The following GARNL3 variants were observed in gnomAD, a reference collection of about 807,000 sequenced individuals.
GARNL3 encodes GTPase activating Rap/RanGAP domain like 3.
In GARNL3, 63 loss-of-function variants were observed where a neutral mutation model predicts 125.0. The ratio of observed to expected loss-of-function variants is 0.50; its 90% CI spans 0.41 to 0.62. The LOEUF (loss-of-function observed/expected upper bound fraction) is 0.62. Ranked by LOEUF, GARNL3 falls within the 20% of genes least tolerant of loss-of-function variation. The pLI, the probability that GARNL3 is intolerant of heterozygous loss-of-function variation, is 0.00. For synonymous variants in GARNL3, 439 were observed against 457.5 expected, an observed-to-expected ratio of 0.96 and a Z score of 0.52; for missense variants, 994 against 1,244.0, an observed-to-expected ratio of 0.80 and a Z score of 3.02.
At chr9:127,354,033 C>A in intron 18 of GARNL3, 89 bp downstream of exon 18, 1 of 870,910 alleles carries the variant, frequency 1.1e-6, no homozygotes, top group Non-Finnish European at 1.9e-6. Flanking sequence ...GGTCTGACTG[C>A]ATAAGTTCTG....
intron 9 of GARNL3, among the ~76,000 whole-genome samples, chr9:127,334,924 G>A (rs916886488): frequency 8.5e-5 from 13 of 152,082 alleles, no homozygotes; most frequent in African/African-American, 3.1e-4. Flanking sequence ...ATTTCATCCC[G>A]TACCTCCCAC....
chr9:127,234,396 T>C (rs2063073987), intron 1 of GARNL3, among the ~76,000 whole-genome samples: 1 of 152,178 alleles, frequency 6.6e-6, no homozygotes. Flanking sequence ...TTATAAAAGA[T>C]TTGTCCTTTA....
intron 7 of GARNL3, among the ~76,000 whole-genome samples, chr9:127,327,221 C>G (rs1246548481): frequency 6.6e-6 from 1 of 152,198 alleles, no homozygotes; most frequent in Non-Finnish European, 1.5e-5. Flanking sequence ...GCGGATACAT[C>G]AGTGAGCAAG....
intron 21 of GARNL3, among the ~76,000 whole-genome samples, chr9:127,358,970 G>GT (rs1369147013): frequency 1.3e-5 from 2 of 152,014 alleles, no homozygotes; most frequent in Non-Finnish European, 2.9e-5. Flanking sequence ...AGAATCTGGG[G>GT]GGGTGTGGTA....
chr9:127,269,299 G>A (rs1030700489), intron 1 of GARNL3, among the ~76,000 whole-genome samples: 8 of 152,164 alleles, frequency 5.3e-5, no homozygotes, highest in Non-Finnish European at 1.0e-4. Context: ...CGCACCCAGC[G>A]TGTTTATTGA....
chr9:127,355,573 G>C lies in GARNL3; in HGVS notation c.1935+101G>C, dbSNP rs1041136287. The C allele has an allele frequency of 1.6e-5, 17 of 1,095,712 alleles. No homozygotes were observed. In the Middle Eastern group the frequency reaches 8.2e-4, roughly 53 times the overall value. 67.9% of individuals were successfully genotyped at this position (1,095,712 alleles called of 1,614,324 possible). A position where few individuals can be genotyped will look rare whatever the true frequency, so the allele number is the denominator to read the frequency against. On this transcript the variant is annotated intron_variant, in intron 20 of 27. Coordinates refer to ENST00000373387, the MANE Select transcript of GARNL3 (RefSeq NM_032293.5). ...TGTTACCCACTGAGGTTGTCCCACTGTTTAGTAGCCAACTAGGGAAACCCT... is the reference window on the plus strand; with the variant it reads ...TGTTACCCACTGAGGTTGTCCCACTCTTTAGTAGCCAACTAGGGAAACCCT...
intron 1 of GARNL3, among the ~76,000 whole-genome samples, chr9:127,225,759 G>C (rs2062897722): frequency 1.2e-5 from 1 of 83,308 alleles, no homozygotes; most frequent in South Asian, 3.9e-4. Flanking sequence ...CTTCCTTCCG[G>C]CGCCCGCGTG....
rs183279861 is a variant in GARNL3, at chr9:127,265,890, G to A, written c.144+869G>A. ...TTTATAGCGGAGTTGTGTACCAGTG[G>A]CGTTCTACTTGAACTCAAGCATATG... On this transcript the variant is annotated intron_variant, in intron 1 of 27. Transcript: ENST00000373387. Among the ~76,000 whole-genome samples, 368 of 152,272 alleles carry A rather than the reference G, an allele frequency of 2.4e-3. 1 individual carries two copies. Among genetic ancestry groups the A allele is most frequent in the African/African-American group, 8.3e-3 (345 of 41,546 alleles).
intron 5 of GARNL3, among the ~76,000 whole-genome samples, chr9:127,318,402 C>T (rs2065299557): frequency 1.3e-5 from 2 of 152,286 alleles, no homozygotes; most frequent in Middle Eastern, 3.4e-3. Context: ...GGAACCAAGG[C>T]CTGAGTCCAG....
At chr9:127,382,621 A>T (rs4509441) in intron 22 of GARNL3, among the ~76,000 whole-genome samples, 78,212 of 151,282 alleles carry the variant, frequency 0.52, 20,524 homozygotes, top group South Asian at 0.66. Context: ...CCAAAAAAAA[A>T]TTTTTTTAAT....
At chr9:127,328,189 T>C (rs578113145) in intron 7 of GARNL3, among the ~76,000 whole-genome samples, 2 of 152,348 alleles carry the variant, frequency 1.3e-5, no homozygotes, top group African/African-American at 4.8e-5. Flanking sequence ...AATAAGTTGC[T>C]GATCTCTTTA....
At chr9:127,332,173 C>A in intron 7 of GARNL3, 101 bp from the exon 8 acceptor site, 1 of 796,696 alleles carries the variant, frequency 1.3e-6, no homozygotes, top group Non-Finnish European at 2.2e-6. Flanking sequence ...GACTGTCCAT[C>A]CTGGTGACTG....
At chr9:127,265,694 A>G in intron 1 of GARNL3, among the ~76,000 whole-genome samples, 1 of 152,232 alleles carries the variant, frequency 6.6e-6, no homozygotes. Flanking sequence ...ATCTGAACAA[A>G]TTTTCAGAAA....
At chr9:127,281,664 A>C (rs575496964) in intron 1 of GARNL3, among the ~76,000 whole-genome samples, 26 of 152,332 alleles carry the variant, frequency 1.7e-4, no homozygotes, top group African/African-American at 6.0e-4. Flanking sequence ...CTTTCCCTGC[A>C]GGCACAGAAG....
At chr9:127,261,604 G>C (rs2063593333), upstream of GARNL3, among the ~76,000 whole-genome samples, 1 of 151,746 alleles carries the variant, frequency 6.6e-6, no homozygotes. Flanking sequence ...GTAGAGACAG[G>C]GTTTCTCCAT....
Position 127,355,492 on chromosome 9 carries a change from C to T in GARNL3, c.1935+20C>T, listed in dbSNP as rs1179492581. On this transcript the variant is annotated intron_variant, in intron 20 of 27. Transcript: ENST00000373387. ...ATCAGGGTAGGTTTGCTCTTTAAAT[C>T]ATTTATCTCCCAACCAAGTTGTCTT... The T allele has an allele frequency of 2.5e-6, 4 of 1,609,430 alleles. No homozygotes were observed. The highest frequency in any genetic ancestry group is 3.4e-6 in the Non-Finnish European group (4 of 1,175,824).
chr9:127,269,158 C>T (rs984828628), intron 1 of GARNL3, among the ~76,000 whole-genome samples: 3 of 152,062 alleles, frequency 2.0e-5, no homozygotes, highest in Admixed American at 6.6e-5. Flanking sequence ...GCCACCACAC[C>T]GGGCTAATTT....
chr9:127,336,289 A>C, intron 11 of GARNL3, 53 bp downstream of exon 11: 1 of 1,277,536 alleles, frequency 7.8e-7, no homozygotes, highest in Admixed American at 1.8e-5. Flanking sequence ...GTTCAGCCTC[A>C]CTGGACTTCC....
intron 22 of GARNL3, among the ~76,000 whole-genome samples, chr9:127,371,065 C>T (rs1831578973): frequency 6.6e-6 from 1 of 152,238 alleles, no homozygotes; most frequent in Non-Finnish European, 1.5e-5. Context: ...ACCTTCCACC[C>T]ATCACCCAAG....
Sources: gnomAD v4.1 joint callset for allele counts (sites outside exome capture counted in the v4.1 genomes callset) on GRCh38, gnomAD v4.1.1 for gene constraint, MANE v1.5 for transcripts, NCBI Gene and HGNC (gene_info 2026-07-23, HGNC 2026-07-21) for gene names.